Variants in DNAJC10 observed in about 807,000 individuals in gnomAD.
The protein encoded by DNAJC10 is DnaJ heat shock protein family (Hsp40) member C10.
Under a neutral mutation model 115.0 loss-of-function variants are expected in DNAJC10, and 101 were observed. That is an observed-to-expected ratio of 0.88 (90% CI 0.75 to 1.04). The LOEUF (loss-of-function observed/expected upper bound fraction) is 1.04, where lower values mean the gene tolerates loss of function less well. Ranked by LOEUF, DNAJC10 falls within the 50% of genes least tolerant of loss-of-function variation. The pLI, the probability that DNAJC10 is intolerant of heterozygous loss-of-function variation, is 0.00. For synonymous variants in DNAJC10, 307 were observed against 301.5 expected, an observed-to-expected ratio of 1.02 and a Z score of -0.19; for missense variants, 981 against 928.8, an observed-to-expected ratio of 1.06 and a Z score of -0.73.
At chr2:182,739,246 A>G (rs892368075) in intron 11 of DNAJC10, among the ~76,000 whole-genome samples, 32 of 147,054 alleles carry the variant, frequency 2.2e-4, no homozygotes, top group African/African-American at 6.9e-4. Context: ...ATATATATAT[A>G]TATCTCATAT....
chr2:182,728,784 A>G, intron 6 of DNAJC10, 79 bp from the exon 7 acceptor site: 1 of 1,539,932 alleles, frequency 6.5e-7, no homozygotes, highest in Non-Finnish European at 8.9e-7. Flanking sequence ...TGTCTGGTTT[A>G]AAAATATATA....
At chr2:182,735,510 C>T (rs964433759) in intron 10 of DNAJC10, among the ~76,000 whole-genome samples, 4 of 151,808 alleles carry the variant, frequency 2.6e-5, no homozygotes, top group African/African-American at 9.7e-5. Context: ...TCTTGAGTTT[C>T]TTATTTATTC....
At chr2:182,736,079 T>TAAG (rs3217627) in intron 10 of DNAJC10, among the ~76,000 whole-genome samples, 170 bp from the exon 11 acceptor site, 103,220 of 151,684 alleles carry the variant, frequency 0.68, 35,800 homozygotes, top group African/African-American at 0.8. Context: ...CTAAATTTAT[T>TAAG]AAGTAATTTA....
intron 22 of DNAJC10, 64 bp from the exon 23 acceptor site, chr2:182,775,252 T>G (rs1270835878): frequency 1.9e-6 from 2 of 1,034,866 alleles, no homozygotes; most frequent in East Asian, 2.6e-5. Context: ...TAATCAAGTT[T>G]CTTAGGTGGA....
intron 11 of DNAJC10, among the ~76,000 whole-genome samples, chr2:182,739,232 ATT>A (rs984917773): frequency 2.1e-5 from 3 of 146,076 alleles, no homozygotes; most frequent in Admixed American, 6.9e-5. Flanking sequence ...TCTCATATAT[ATT>A]TATATATATA....
chr2:182,793,864 A>ACT lies in DNAJC10; in HGVS notation c.*16733_*16734dup, dbSNP rs1695096923. 7.1e-6 allele frequency: 1 copy of ACT among 140,790 alleles called. No homozygotes were observed. The highest frequency in any genetic ancestry group is 2.5e-5 in the African/African-American group (1 of 39,396). The allele number at this position is 140,790 out of a possible 1,614,324, so 8.7% of individuals were successfully genotyped here. On this transcript the variant is annotated 3_prime_UTR_variant, in exon 24 of 24. Transcript: ENST00000264065. ...CACACACACACACACACACACACAC[A>ACT]CTACCTACAAAAAAATAACAATTAG...
chr2:182,720,189 C>T lies in DNAJC10; in HGVS notation c.367+20C>T, dbSNP rs757470477. ...ATTTTGGTAAGGTGATACGATATTACTTATGAAATGTGTTTTATCTGAGTA... is the reference window on the plus strand; with the variant it reads ...ATTTTGGTAAGGTGATACGATATTATTTATGAAATGTGTTTTATCTGAGTA... On this transcript the variant is annotated intron_variant, in intron 4 of 23. Coordinates refer to ENST00000264065, the MANE Select transcript of DNAJC10 (RefSeq NM_018981.4). 5 of 1,582,878 alleles carry T rather than the reference C, an allele frequency of 3.2e-6. No individual in the cohort carries two copies. In the African/African-American group the frequency reaches 5.5e-5, roughly 17 times the overall value.
chr2:182,759,396 T>G (rs1694237054), intron 21 of DNAJC10, 89 bp downstream of exon 21: 1 of 1,291,470 alleles, frequency 7.7e-7, no homozygotes, highest in South Asian at 1.4e-5. Flanking sequence ...TTTTAGGTTT[T>G]TTTCTTAAAT....
intron 22 of DNAJC10, among the ~76,000 whole-genome samples, chr2:182,767,803 T>C (rs768468572): frequency 6.6e-6 from 1 of 152,164 alleles, no homozygotes; most frequent in African/African-American, 2.4e-5. Context: ...GAGACACCTG[T>C]GGCCTTGTAA....
rs187638561 is a variant in DNAJC10, at chr2:182,751,071, C to T, written c.1307-587C>T. 3.1e-3 allele frequency among the ~76,000 whole-genome samples: 457 copies of T among 149,200 alleles called. 2 individuals carry two copies. Among genetic ancestry groups the T allele is most frequent in the African/African-American group, 0.011 (444 of 40,410 alleles). ...GTAAGCATAATTAATTTAAAGAACC[C>T]TATAAAAAAGTCATTATTCTACCTC... On this transcript the variant is annotated intron_variant, in intron 14 of 23. Transcript: ENST00000264065.
At chr2:182,764,175 A>G (rs2105691924) in intron 22 of DNAJC10, among the ~76,000 whole-genome samples, 1 of 152,252 alleles carries the variant, frequency 6.6e-6, no homozygotes, top group South Asian at 2.1e-4. Context: ...GTAAATTTTG[A>G]CGGGTAATGA....
rs756671255 is a variant in DNAJC10, at chr2:182,740,512, G to A, written c.1077+124G>A. The A allele has an allele frequency of 6.7e-6, 6 of 896,834 alleles. No individual in the cohort carries two copies. The South Asian group carries it at 8.6e-5, about 13-fold the overall frequency. The allele number at this position is 896,834 out of a possible 1,614,324, so 55.6% of individuals were successfully genotyped here. A position where few individuals can be genotyped will look rare whatever the true frequency, so the allele number is the denominator to read the frequency against. The stretch of plus-strand genomic sequence containing the variant: ...AGAATTGAAAGTAGCAGTTTCAAAG[G>A]ATTATATATTAGTCAATTGTAGGTT... On this transcript the variant is annotated intron_variant, in intron 12 of 23. Transcript: ENST00000264065.
intron 22 of DNAJC10, among the ~76,000 whole-genome samples, chr2:182,774,805 G>A (rs572570260): frequency 1.6e-3 from 192 of 121,974 alleles, no homozygotes; most frequent in African/African-American, 5.9e-3. Flanking sequence ...TGCACTTCCC[G>A]GGTGAGACAA....
At chr2:182,768,616 A>T (rs1313967106) in intron 22 of DNAJC10, among the ~76,000 whole-genome samples, 1 of 152,144 alleles carries the variant, frequency 6.6e-6, no homozygotes, top group East Asian at 1.9e-4. Context: ...TCACACCAAG[A>T]TTAAGACAAC....
chr2:182,741,672 T>C (rs879402226), intron 13 of DNAJC10, among the ~76,000 whole-genome samples: 1 of 152,182 alleles, frequency 6.6e-6, no homozygotes, highest in African/African-American at 2.4e-5. Context: ...TCTTGGTCGT[T>C]GTTTAAAAAT....
At chr2:182,752,938 CTTTGT>C (rs1311187714) in intron 16 of DNAJC10, among the ~76,000 whole-genome samples, 1 of 152,122 alleles carries the variant, frequency 6.6e-6, no homozygotes, top group Non-Finnish European at 1.5e-5. Flanking sequence ...AACATTTAGA[CTTTGT>C]TTGGATGCAG....
In DNAJC10 at chr2:182,718,290, G is replaced by T. The variant is rs747283899; in HGVS notation, c.204G>T (p.Pro68=). 6.3e-7 allele frequency: 1 copy of T among 1,586,366 alleles called. No individual in the cohort carries two copies. Among genetic ancestry groups the T allele is most frequent in the East Asian group, 2.3e-5 (1 of 44,308 alleles). ...LALKLHPDKN[P]NNPNAHGDFL... is the part of the protein sequence containing the mutation. The stretch of plus-strand genomic sequence containing the variant: ...TGAAGTTACATCCTGATAAAAACCC[G>T]GTAGGTAAACGTTTGTTTTTAAAAA... The change falls in exon 3 of 24, where the codon CCG becomes CCT. Residue 68 remains proline (P), a splice_region_variant and synonymous_variant. Coordinates refer to ENST00000264065, the MANE Select transcript of DNAJC10 (RefSeq NM_018981.4).
chr2:182,731,124 A>G lies in DNAJC10; in HGVS notation c.805+17A>G. On this transcript the variant is annotated intron_variant, in intron 9 of 23. Coordinates refer to ENST00000264065, the MANE Select transcript of DNAJC10 (RefSeq NM_018981.4). ...AAGGAGGAGGTAATACTATTTTTTA[A>G]TTTTGTTGGAATGAGAACATGACAT... 1 of 1,586,070 alleles carries G rather than the reference A, an allele frequency of 6.3e-7. No homozygotes were observed. The highest frequency in any genetic ancestry group is 8.6e-7 in the Non-Finnish European group (1 of 1,159,324).
intron 21 of DNAJC10, among the ~76,000 whole-genome samples, chr2:182,760,704 G>A (rs1185868177): frequency 6.6e-6 from 1 of 152,066 alleles, no homozygotes; most frequent in African/African-American, 2.4e-5. Flanking sequence ...ACTAGTGTTG[G>A]TATAAAACAC....
Sources: allele counts gnomAD v4.1 joint callset (sites outside exome capture counted in the v4.1 genomes callset), GRCh38; gene constraint gnomAD v4.1.1; transcripts MANE v1.5; gene names NCBI Gene and HGNC (gene_info 2026-07-23, HGNC 2026-07-21).